Variants in RPP40 observed in about 807,000 individuals in gnomAD.
RPP40 encodes ribonuclease P/MRP subunit p40.
Under a neutral mutation model 42.5 loss-of-function variants are expected in RPP40, and 30 were observed. The ratio of observed to expected loss-of-function variants is 0.71; its 90% CI spans 0.53 to 0.96. The LOEUF (loss-of-function observed/expected upper bound fraction) is 0.96. Among genes scored for constraint, RPP40 ranks in the 40% least tolerant of loss-of-function variants. The pLI, the probability that RPP40 is intolerant of heterozygous loss-of-function variation, is 0.00. For missense variants in RPP40, 426 were observed against 433.5 expected (o/e 0.98, Z 0.15); for synonymous variants, 173 against 164.0 (o/e 1.05, Z -0.42).
At chr6:5,003,667 G>T (rs1759655945) in intron 1 of RPP40, 6 of 528,186 alleles carry the variant, frequency 1.1e-5, no homozygotes, top group South Asian at 7.0e-5. Context: ...CCGCCCCCAC[G>T]CCCGGCGCAT....
chr6:4,993,247 A>G (rs1038168433), downstream of RPP40, among the ~76,000 whole-genome samples: 1 of 152,178 alleles, frequency 6.6e-6, no homozygotes, highest in Non-Finnish European at 1.5e-5. Flanking sequence ...GCAAATTTGA[A>G]AAGATCTTAA....
At chr6:5,001,533 C>A (rs891877812) in intron 2 of RPP40, among the ~76,000 whole-genome samples, 2 of 152,146 alleles carry the variant, frequency 1.3e-5, no homozygotes, top group Non-Finnish European at 2.9e-5. Context: ...TGGGTGGAAT[C>A]CCTAAAGGCC....
chr6:5,000,622 T>A lies in RPP40; in HGVS notation c.278A>T (p.Tyr93Phe), dbSNP rs1040814112. 2 of 1,588,638 alleles carry A rather than the reference T, an allele frequency of 1.3e-6. No homozygotes were observed. The highest frequency in any genetic ancestry group is 2.2e-5 in the East Asian group (1 of 44,738). The change falls in exon 3 of 8, where the codon TAT becomes TTT. Residue 93 changes from tyrosine (Y) to phenylalanine (F), a missense_variant. Coordinates refer to ENST00000380051, the MANE Select transcript of RPP40 (RefSeq NM_006638.4). ...ISTFIKKGSC[Y>F]ALTYNTHIDE... ...AATATGTGTATTGTATGTTAGTGCA[T>A]AGCAAGAACCTGGAAGAGAAAGTAC...
At chr6:5,000,114 AAT>A (rs1301549756) in intron 3 of RPP40, among the ~76,000 whole-genome samples, 1 of 152,262 alleles carries the variant, frequency 6.6e-6, no homozygotes, top group Non-Finnish European at 1.5e-5. Context: ...TATTATTTAT[AAT>A]AGTGAAATTT....
At chr6:4,990,417 T>A (rs1206355064), downstream of RPP40, among the ~76,000 whole-genome samples, 1 of 152,138 alleles carries the variant, frequency 6.6e-6, no homozygotes, top group Non-Finnish European at 1.5e-5. Context: ...GGTCCTAGGA[T>A]AATTTTGGCA....
At chr6:4,999,769 C>A in intron 4 of RPP40, 40 bp downstream of exon 4, 1 of 1,119,274 alleles carries the variant, frequency 8.9e-7, no homozygotes, top group Non-Finnish European at 1.3e-6. Context: ...TAAATTGCCA[C>A]AAGAAGATTA....
chr6:4,992,632 T>C (rs1322574902), downstream of RPP40, among the ~76,000 whole-genome samples: 2 of 152,204 alleles, frequency 1.3e-5, no homozygotes, highest in African/African-American at 2.4e-5. Flanking sequence ...AATTAGGTCA[T>C]GTTTTTTTCA....
At chr6:4,995,322 G>A in intron 7 of RPP40, 46 bp from the exon 8 acceptor site, 15 of 1,376,710 alleles carry the variant, frequency 1.1e-5, no homozygotes, top group Non-Finnish European at 1.5e-5. Flanking sequence ...AGAGAGTTAG[G>A]AATGTCTGCA....
intron 1 of RPP40, among the ~76,000 whole-genome samples, chr6:5,003,325 C>A (rs1759630422): frequency 8.9e-6 from 1 of 112,518 alleles, no homozygotes; most frequent in East Asian, 2.8e-4. Context: ...CCAGCCTGGG[C>A]GACAGAGCGA....
chr6:5,001,232 T>C, intron 2 of RPP40: 1 of 433,424 alleles, frequency 2.3e-6, no homozygotes, highest in Non-Finnish European at 4.6e-6. Context: ...ATGAGGATCA[T>C]AGGCTTGCTT....
downstream of RPP40, among the ~76,000 whole-genome samples, chr6:4,992,560 T>C (rs1759276479): frequency 6.6e-6 from 1 of 152,226 alleles, no homozygotes; most frequent in Non-Finnish European, 1.5e-5. Flanking sequence ...AGCATATCTT[T>C]TTTCCATCCT....
Position 4,994,944 on chromosome 6 carries a change from G to T in RPP40, c.*134C>A. 1.3e-6 allele frequency: 1 copy of T among 759,300 alleles called. No individual in the cohort carries two copies. Among genetic ancestry groups the T allele is most frequent in the Non-Finnish European group, 2.1e-6 (1 of 475,502 alleles). 47.0% of individuals were successfully genotyped at this position (759,300 alleles called of 1,614,324 possible). On this transcript the variant is annotated 3_prime_UTR_variant, in exon 8 of 8. Transcript: ENST00000380051. ...ATCACAGATGGGTCTCAGGTGCAGG[G>T]CAGGATGCCAGCAAATGCTGATCTG...
At chr6:5,001,883 C>G in intron 2 of RPP40, 1 of 474,874 alleles carries the variant, frequency 2.1e-6, no homozygotes, top group South Asian at 4.0e-5. Context: ...ACAACATCCC[C>G]ATCCAACACT....
intron 5 of RPP40, among the ~76,000 whole-genome samples, chr6:4,998,476 ATC>A (rs1166595962): frequency 6.6e-6 from 1 of 152,194 alleles, no homozygotes; most frequent in Admixed American, 6.5e-5. Context: ...CACTCTCAAG[ATC>A]TCTGGATCTA....
In RPP40 at chr6:4,998,857, A is replaced by C; in HGVS notation, c.434-16T>G. 7.3e-7 allele frequency: 1 copy of C among 1,370,368 alleles called. No homozygotes were observed. Among genetic ancestry groups the C allele is most frequent in the Non-Finnish European group, 1.0e-6 (1 of 1,004,288 alleles). 84.9% of individuals were successfully genotyped at this position (1,370,368 alleles called of 1,614,324 possible). A position where few individuals can be genotyped will look rare whatever the true frequency, so the allele number is the denominator to read the frequency against. On this transcript the variant is annotated splice_polypyrimidine_tract_variant and intron_variant, in intron 4 of 7. Transcript: ENST00000380051. Reference sequence around the variant, plus strand: ...ATGGAAACAACTTTAAAAATGAAAAAAAGAACATATATTTCATTCATATAC... The same window carrying C: ...ATGGAAACAACTTTAAAAATGAAAACAAGAACATATATTTCATTCATATAC...
Position 5,002,210 on chromosome 6 carries a change from C to T in RPP40, c.159G>A (p.Ser53=), listed in dbSNP as rs138412746. The T allele has an allele frequency of 3.5e-5, 56 of 1,613,106 alleles. No individual in the cohort carries two copies. The highest frequency in any genetic ancestry group is 1.1e-4 in the East Asian group (5 of 44,876). Residue 53 remains serine (S), a synonymous_variant, in exon 2 of 8, where the codon TCG becomes TCA. Coordinates refer to ENST00000380051, the MANE Select transcript of RPP40 (RefSeq NM_006638.4). ...SFLIPECGIL[S]EELKNLVMNT... ...TCATGACCAGGTTTTTCAGTTCTTC[C>T]GATAGTATCCCACATTCAGGAATGA... is the stretch of plus-strand genomic sequence containing the variant.
rs1411065214 is a variant in RPP40, at chr6:5,000,638, G to A, written c.269-7C>T. The stretch of plus-strand genomic sequence containing the variant: ...GTTAGTGCATAGCAAGAACCTGGAA[G>A]AGAAAGTACAGAGGAAAAATTTAAA... On this transcript the variant is annotated splice_region_variant and splice_polypyrimidine_tract_variant and intron_variant, in intron 2 of 7. Transcript: ENST00000380051. The A allele has an allele frequency of 3.2e-6, 5 of 1,563,240 alleles. No homozygotes were observed. The African/African-American group carries it at 4.1e-5, about 13-fold the overall frequency.
intron 1 of RPP40, 54 bp from the exon 2 acceptor site, chr6:5,002,299 A>G: frequency 7.1e-7 from 1 of 1,404,892 alleles, no homozygotes; most frequent in Non-Finnish European, 9.6e-7. Flanking sequence ...ATGAACACCC[A>G]GGTTTTTAGG....
chr6:4,991,809 T>A (rs1199588369), downstream of RPP40, among the ~76,000 whole-genome samples: 3 of 152,054 alleles, frequency 2.0e-5, no homozygotes, highest in East Asian at 5.8e-4. Flanking sequence ...AGTGTTGGAG[T>A]TGGGGCCTGG....
Sources: gnomAD v4.1 joint callset for allele counts (sites outside exome capture counted in the v4.1 genomes callset) on GRCh38, gnomAD v4.1.1 for gene constraint, MANE v1.5 for transcripts, NCBI Gene and HGNC (gene_info 2026-07-23, HGNC 2026-07-21) for gene names.